RNF17: variants seen among roughly 807,000 people sequenced by gnomAD.
The protein encoded by RNF17 is spermatogenesis associated 23.
Under a neutral mutation model 200.5 loss-of-function variants are expected in RNF17, and 31 were observed. The ratio of observed to expected loss-of-function variants is 0.15; its 90% confidence interval spans 0.12 to 0.21. The LOEUF (loss-of-function observed/expected upper bound fraction) is 0.21, where lower values mean the gene tolerates loss of function less well. RNF17 is among the 10% of genes least tolerant of loss of function. The probability of loss-of-function intolerance (pLI) is 1.00; values close to 1 mark genes in which losing one functional copy is unlikely to be tolerated. For missense variants in RNF17, 1,628 were observed against 1,905.1 expected, an observed-to-expected ratio of 0.85 and a Z score of 2.71; for synonymous variants, 606 against 637.8, an observed-to-expected ratio of 0.95 and a Z score of 0.75.
In RNF17 at chr13:24,877,164, A is replaced by G. The variant is rs1423709318; in HGVS notation, c.4751A>G (p.Lys1584Arg). The change falls in exon 34 of 36, where the codon AAA becomes AGA. Residue 1584 changes from lysine to arginine, a missense_variant. Lys to Arg is a conservative substitution (Grantham distance 26, BLOSUM62 2). Around this residue, in one of 5 missense-constraint regions of RNF17, gnomAD observed 609 missense variants for 681.9 expected, o/e 0.89. Coordinates refer to ENST00000255324, the MANE Select transcript of RNF17 (RefSeq NM_031277.3). ...GCTATGATAGACTGTCTTCAAGGAA[A>G]ACAACTCTATGCTGTGTCCATGGTA... ...LWAMIDCLQGKQLYAVSMAPA... is the reference protein window; with the variant it reads ...LWAMIDCLQGRQLYAVSMAPA... 31 of 1,613,066 alleles carry G rather than the reference A, an allele frequency of 1.9e-5. No homozygotes were observed. Among genetic ancestry groups the G allele is most frequent in the Non-Finnish European group, 2.6e-5 (31 of 1,179,638 alleles).
At chr13:24,763,729 A>G (rs1414254147), upstream of RNF17, among the ~76,000 whole-genome samples, 3 of 152,010 alleles carry the variant, frequency 2.0e-5, no homozygotes, top group African/African-American at 7.2e-5. Context: ...CTTAATTCGA[A>G]AGCGTTCACT....
At chr13:24,874,505 G>T (rs1396800039) in intron 33 of RNF17, among the ~76,000 whole-genome samples, 1 of 151,508 alleles carries the variant, frequency 6.6e-6, no homozygotes, top group Admixed American at 6.6e-5. Context: ...CGCCTCCCAG[G>T]TTCAAGTGAT....
intron 14 of RNF17, among the ~76,000 whole-genome samples, chr13:24,802,967 G>T (rs1318195755): frequency 5.3e-5 from 8 of 152,168 alleles, no homozygotes; most frequent in Non-Finnish European, 1.0e-4. Context: ...AGCTGAGGTG[G>T]GAGGTTTGCT....
At chr13:24,763,661 T>TTG (rs1230307802), upstream of RNF17, among the ~76,000 whole-genome samples, 1 of 152,162 alleles carries the variant, frequency 6.6e-6, no homozygotes, top group Non-Finnish European at 1.5e-5. Context: ...CCAACCACTC[T>TTG]TGGCACGCTG....
chr13:24,802,638 G>T, intron 14 of RNF17, 67 bp downstream of exon 14: 1 of 1,348,708 alleles, frequency 7.4e-7, no homozygotes, highest in South Asian at 1.5e-5. Flanking sequence ...AGCAGATTTT[G>T]CCTTTAAAAA....
In RNF17 at chr13:24,851,545, A is replaced by G. The variant is rs146854836; in HGVS notation, c.3294A>G (p.Lys1098=). ...TTGATGTTTCTAAATATTTGATTAA[A>G]AAGGGTTTGGCTTTGAGAGAAAGGA... ...ERVDVSKYLI[K]KGLALRERRI... Residue 1098 remains lysine (K), a synonymous_variant, in exon 24 of 36, where the codon AAA becomes AAG. Coordinates refer to ENST00000255324, the MANE Select transcript of RNF17 (RefSeq NM_031277.3). 1.6e-5 allele frequency: 25 copies of G among 1,612,682 alleles called. No individual in the cohort carries two copies. The African/African-American group carries it at 3.1e-4, about 20-fold the overall frequency.
chr13:24,838,451 G>A (rs752721499), intron 18 of RNF17, among the ~76,000 whole-genome samples: 1 of 152,024 alleles, frequency 6.6e-6, no homozygotes, highest in Non-Finnish European at 1.5e-5. Context: ...CTAGCTAACC[G>A]AATCCAACAA....
At chr13:24,848,142 A>G (rs1891455728) in intron 22 of RNF17, among the ~76,000 whole-genome samples, 1 of 152,196 alleles carries the variant, frequency 6.6e-6, no homozygotes, top group African/African-American at 2.4e-5. Flanking sequence ...TAGGTAAGGA[A>G]ATTGAATATT....
At chr13:24,764,111 C>A, upstream of RNF17, 1 of 1,239,612 alleles carries the variant, frequency 8.1e-7, no homozygotes, top group Non-Finnish European at 1.1e-6. Context: ...CACTGTTTGG[C>A]TATCTGCAGG....
chr13:24,799,941 G>A (rs948480866), intron 12 of RNF17, among the ~76,000 whole-genome samples: 4 of 152,094 alleles, frequency 2.6e-5, no homozygotes, highest in African/African-American at 4.8e-5. Flanking sequence ...TTTTCAAAGT[G>A]TCATACTGTC....
chr13:24,797,728 G>T (rs962619552), intron 11 of RNF17, among the ~76,000 whole-genome samples: 43 of 151,360 alleles, frequency 2.8e-4, no homozygotes, highest in Admixed American at 1.3e-4. Context: ...GTGTGTGTGT[G>T]TGTGTGTGTG....
chr13:24,772,767 C>T (rs1347129426), intron 2 of RNF17, among the ~76,000 whole-genome samples: 5 of 152,028 alleles, frequency 3.3e-5, no homozygotes, highest in Admixed American at 3.3e-4. Flanking sequence ...TCCACCACCA[C>T]GCCCAGCTAA....
chr13:24,822,224 T>C (rs1290328189), intron 15 of RNF17, among the ~76,000 whole-genome samples: 1 of 152,064 alleles, frequency 6.6e-6, no homozygotes, highest in Non-Finnish European at 1.5e-5. Context: ...TACATGTGGC[T>C]GGCAAGGCGA....
chr13:24,854,294 A>G (rs905318600), intron 25 of RNF17, 150 bp downstream of exon 25: 1 of 583,664 alleles, frequency 1.7e-6, no homozygotes, highest in Non-Finnish European at 3.0e-6. Context: ...GCTTTTAATA[A>G]TGCCTAACAT....
In RNF17 at chr13:24,855,771, A is replaced by G. The variant is rs1347551568; in HGVS notation, c.3610+1627A>G. ...CCTTGCTAACACTTAATAAGGTCAG[A>G]TTAAGTTCTACCTATCCTAGTGGAT... On this transcript the variant is annotated intron_variant, in intron 25 of 35. Coordinates refer to ENST00000255324, the MANE Select transcript of RNF17 (RefSeq NM_031277.3). Among the ~76,000 whole-genome samples, 3 of 152,216 alleles carry G rather than the reference A, an allele frequency of 2.0e-5. No individual in the cohort carries two copies. In the East Asian group the frequency reaches 5.8e-4, roughly 29 times the overall value.
rs1455309713 is a variant in RNF17, at chr13:24,861,493, AAAGT to A, written c.3894+109_3894+112del. 3.9e-6 allele frequency: 3 copies of A among 764,236 alleles called. No individual in the cohort carries two copies. The African/African-American group carries it at 5.7e-5, about 14-fold the overall frequency. The allele number at this position is 764,236 out of a possible 1,614,324, so 47.3% of individuals were successfully genotyped here. On this transcript the variant is annotated intron_variant, in intron 27 of 35. Coordinates refer to ENST00000255324, the MANE Select transcript of RNF17 (RefSeq NM_031277.3). The stretch of plus-strand genomic sequence containing the variant: ...AAAATGAAATTTCAGTTGCAACAAA[AAAGT>A]AATAAAACACCAACAAATAAGTTAC...
chr13:24,794,561 G>A (rs995436936), intron 10 of RNF17, among the ~76,000 whole-genome samples: 2 of 152,040 alleles, frequency 1.3e-5, no homozygotes, highest in African/African-American at 4.8e-5. Flanking sequence ...TGTGGTCTCA[G>A]CTATTCAGGA....
At chr13:24,767,167 T>G in intron 1 of RNF17, 105 bp from the exon 2 acceptor site, 1 of 710,238 alleles carries the variant, frequency 1.4e-6, no homozygotes, top group Non-Finnish European at 2.4e-6. Context: ...AGGTGGAGGC[T>G]GCAGTGAGCT....
intron 33 of RNF17, among the ~76,000 whole-genome samples, chr13:24,874,530 C>G (rs1030900923): frequency 4.6e-5 from 7 of 151,866 alleles, no homozygotes; most frequent in African/African-American, 1.5e-4. Context: ...CTGCCTCAGC[C>G]TCCCTAGTAG....
Sources: allele counts gnomAD v4.1 joint callset (sites outside exome capture counted in the v4.1 genomes callset), GRCh38; gene constraint gnomAD v4.1.1; regional missense constraint gnomAD v4.1.1; transcripts MANE v1.5; gene names NCBI Gene and HGNC (gene_info 2026-07-23, HGNC 2026-07-21).